Variants in CSNK1D observed in about 807,000 individuals in gnomAD.
The protein encoded by CSNK1D is casein kinase 1 delta, also known as casein kinase I isoform delta.
CSNK1D carries 16 observed loss-of-function variants against 46.6 expected under a neutral mutation model. That is an observed-to-expected ratio of 0.34 (90% CI 0.23 to 0.52). The LOEUF is 0.52. Ranked by LOEUF, CSNK1D falls within the 20% of genes least tolerant of loss-of-function variation. The pLI is 0.95. For synonymous variants in CSNK1D, 276 were observed against 228.2 expected (o/e 1.21, Z -1.89); for missense variants, 398 against 578.4 (o/e 0.69, Z 3.20).
At chr17:82,263,788 C>A (rs987455035) in intron 2 of CSNK1D, among the ~76,000 whole-genome samples, 1 of 152,222 alleles carries the variant, frequency 6.6e-6, no homozygotes, top group African/African-American at 2.4e-5. Context: ...AAGGCCACAC[C>A]CCGCACCACC....
chr17:82,252,593 T>G lies in CSNK1D; in HGVS notation c.577A>C (p.Arg193=), dbSNP rs1464065700. 1 of 1,613,814 alleles carries G rather than the reference T, an allele frequency of 6.2e-7. No individual in the cohort carries two copies. Among genetic ancestry groups the G allele is most frequent in the East Asian group, 2.2e-5 (1 of 44,882 alleles). The change falls in exon 5 of 9, where the codon AGA becomes CGA. Residue 193 remains arginine, a synonymous_variant. Coordinates refer to ENST00000314028, the MANE Select transcript of CSNK1D (RefSeq NM_001893.6). This position sits in a 1 kb window ranked among gnomAD's most constrained non-coding sequence, Gnocchi z 4.6. ...NTHLGIEQSR[R]DDLESLGYVL... ...TAGCCCAGAGACTCCAAGTCATCTCTTCGGGATTGTTCTGAAAAGAAAAGG... is the reference window on the plus strand; with the variant it reads ...TAGCCCAGAGACTCCAAGTCATCTCGTCGGGATTGTTCTGAAAAGAAAAGG...
At chr17:82,260,036 C>G (rs994110851) in intron 2 of CSNK1D, among the ~76,000 whole-genome samples, 54 of 108,566 alleles carry the variant, frequency 5.0e-4, no homozygotes, top group East Asian at 1.2e-3. Flanking sequence ...GGTGTACTGA[C>G]TGATGTGACT....
At position 82,253,139 on chromosome 17, in the gene CSNK1D, T is replaced by C; in HGVS notation, c.442A>G (p.Ile148Val). 1 of 1,614,232 alleles carries C rather than the reference T, an allele frequency of 6.2e-7. No individual in the cohort carries two copies. The highest frequency in any genetic ancestry group is 8.5e-7 in the Non-Finnish European group (1 of 1,180,032). The change falls in exon 4 of 9, where the codon ATC becomes GTC. Residue 148 changes from isoleucine (I) to valine (V), a missense_variant. Physicochemically the swap from Ile to Val is conservative, Grantham distance 29. Transcript: ENST00000314028. ...LGKKGNLVYIIDFGLAKKYRD... is the reference protein window; with the variant it reads ...LGKKGNLVYIVDFGLAKKYRD... ...TACTTCTTGGCCAGCCCGAAGTCGA[T>C]GATGTACACCAGGTTGCCCTTCTTC...
In CSNK1D at chr17:82,255,414, G is replaced by A. The variant is rs1007527113; in HGVS notation, c.336+15C>T. On this transcript the variant is annotated intron_variant, in intron 3 of 8. Coordinates refer to ENST00000314028, the MANE Select transcript of CSNK1D (RefSeq NM_001893.6). This position sits in a 1 kb window ranked among gnomAD's most constrained non-coding sequence, Gnocchi z 5.9. ...GACAGCAAGTGTGTGCCAACTGTCA[G>A]GAAACAGTCCTTACCATTTGGTCAG... The A allele has an allele frequency of 1.2e-6, 2 of 1,614,116 alleles. No homozygotes were observed. The highest frequency in any genetic ancestry group is 8.5e-7 in the Non-Finnish European group (1 of 1,179,992).
In CSNK1D at chr17:82,251,054, A is replaced by AC. The variant is rs1882091653; in HGVS notation, c.885+324dup. On this transcript the variant is annotated intron_variant, in intron 6 of 8. Transcript: ENST00000314028. This position sits in a 1 kb window ranked among gnomAD's most constrained non-coding sequence, Gnocchi z 4.5. The stretch of plus-strand genomic sequence containing the variant: ...TGTGGCACAGCGAATGGGAATGCGC[A>AC]CCCCCAGCCCCCACCCTCTGCCCCC... 2.6e-6 allele frequency: 1 copy of AC among 388,624 alleles called. No homozygotes were observed. Among genetic ancestry groups the AC allele is most frequent in the East Asian group, 6.0e-5 (1 of 16,582 alleles). The allele number at this position is 388,624 out of a possible 1,614,324, so 24.1% of individuals were successfully genotyped here.
chr17:82,240,864 C>T (rs566087784), downstream of CSNK1D, among the ~76,000 whole-genome samples: 41 of 152,254 alleles, frequency 2.7e-4, 1 homozygote, highest in Admixed American at 2.5e-3. Flanking sequence ...CTACCTCCTC[C>T]CTCAGCTGGT....
At chr17:82,272,526 A>T (rs1008392436) in intron 1 of CSNK1D, among the ~76,000 whole-genome samples, 1 of 152,224 alleles carries the variant, frequency 6.6e-6, no homozygotes, top group Non-Finnish European at 1.5e-5. Context: ...CAACTACCTC[A>T]TCTGCCTCTC....
rs769008189 is a variant in CSNK1D at position 82,248,815 on chromosome 17, G to A, written c.1197+60C>T. On this transcript the variant is annotated intron_variant, in intron 8 of 8. Coordinates refer to ENST00000314028, the MANE Select transcript of CSNK1D (RefSeq NM_001893.6). This position sits in a 1 kb window ranked among gnomAD's most constrained non-coding sequence, Gnocchi z 4.1. ...AGAAGCCCTGGAGAAACCACAGCCC[G>A]CTCTTGACTCGGACGGGGTAGCCCG... is the stretch of plus-strand genomic sequence containing the variant. 27 of 1,574,264 alleles carry A rather than the reference G, an allele frequency of 1.7e-5. No homozygotes were observed. The highest frequency in any genetic ancestry group is 9.2e-5 in the South Asian group (8 of 86,962).
At chr17:82,256,228 G>A (rs578142164) in intron 2 of CSNK1D, among the ~76,000 whole-genome samples, 2 of 152,260 alleles carry the variant, frequency 1.3e-5, no homozygotes, top group African/African-American at 2.4e-5. Flanking sequence ...AAAGGCACAC[G>A]GGCCAGGTGC....
At chr17:82,267,224 C>T (rs2051498556) in intron 1 of CSNK1D, among the ~76,000 whole-genome samples, 5 of 152,146 alleles carry the variant, frequency 3.3e-5, no homozygotes, top group South Asian at 2.1e-4. Flanking sequence ...CTTAGTGACT[C>T]GGTTTCTCTT....
At chr17:82,264,953 A>T (rs577148116) in intron 2 of CSNK1D, among the ~76,000 whole-genome samples, 5 of 151,692 alleles carry the variant, frequency 3.3e-5, no homozygotes, top group Admixed American at 1.3e-4. Flanking sequence ...GCCCGCCACC[A>T]CGAACGGCTA....
downstream of CSNK1D, chr17:82,239,066 G>T: frequency 7.6e-7 from 1 of 1,318,490 alleles, no homozygotes; most frequent in Non-Finnish European, 1.0e-6. Flanking sequence ...GGCTCAGGCA[G>T]GGCCACGGCT....
chr17:82,260,430 G>C (rs1285662132), intron 2 of CSNK1D, among the ~76,000 whole-genome samples: 3 of 150,352 alleles, frequency 2.0e-5, no homozygotes, highest in Non-Finnish European at 3.0e-5. Context: ...ATGGTGTACT[G>C]AGTGATGTGA....
At chr17:82,271,924 C>A (rs1003183121) in intron 1 of CSNK1D, 1 of 152,284 alleles carries the variant, frequency 6.6e-6, no homozygotes, top group African/African-American at 2.4e-5. Flanking sequence ...CAGAAAACAG[C>A]TCCCCTCAAA....
At position 82,273,611 on chromosome 17, in the gene CSNK1D, G is replaced by A. The variant is rs968364682; in HGVS notation, c.-230C>T. ...CGCTGCTCCGGCCCCTACCGGTCCC[G>A]CTTGCCCTCTCCCCGCCGCGGATGG... On this transcript the variant is annotated 5_prime_UTR_variant, in exon 1 of 9. Coordinates refer to ENST00000314028, the MANE Select transcript of CSNK1D (RefSeq NM_001893.6). This position sits in a 1 kb window ranked among gnomAD's most constrained non-coding sequence, Gnocchi z 5.1. The A allele has an allele frequency of 5.3e-6, 3 of 561,618 alleles. No individual in the cohort carries two copies. The highest frequency in any genetic ancestry group is 4.0e-5 in the African/African-American group (2 of 49,628). The allele number at this position is 561,618 out of a possible 1,614,324, so 34.8% of individuals were successfully genotyped here.
chr17:82,253,741 C>A, intron 3 of CSNK1D: 1 of 315,194 alleles, frequency 3.2e-6, no homozygotes, highest in Non-Finnish European at 6.0e-6. Flanking sequence ...CCGAAGCCTC[C>A]AGAAGCCTCG....
Position 82,273,278 on chromosome 17 carries a change from G to A in CSNK1D, c.76+28C>T, listed in dbSNP as rs2147238372. On this transcript the variant is annotated intron_variant, in intron 1 of 8. Transcript: ENST00000314028. The surrounding 1 kb of genome is among the most constrained non-coding windows in gnomAD (Gnocchi z 5.1). The stretch of plus-strand genomic sequence containing the variant: ...GCAGCCGCAGGGCCCGGGTCTTCGG[G>A]CGGCGGGCGGGGGCGGCGGGGCCTC... 1 of 1,594,096 alleles carries A rather than the reference G, an allele frequency of 6.3e-7. No homozygotes were observed. The highest frequency in any genetic ancestry group is 1.1e-5 in the South Asian group (1 of 89,722).
In CSNK1D at chr17:82,251,106, C is replaced by G. The variant is rs2050996975; in HGVS notation, c.885+273G>C. 4 of 467,490 alleles carry G rather than the reference C, an allele frequency of 8.6e-6. No individual in the cohort carries two copies. Among genetic ancestry groups the G allele is most frequent in the Admixed American group, 3.4e-5 (1 of 29,598 alleles). The allele number at this position is 467,490 out of a possible 1,614,324, so 29.0% of individuals were successfully genotyped here. A position where few individuals can be genotyped will look rare whatever the true frequency, so the allele number is the denominator to read the frequency against. On this transcript the variant is annotated intron_variant, in intron 6 of 8. Coordinates refer to ENST00000314028, the MANE Select transcript of CSNK1D (RefSeq NM_001893.6). This position sits in a 1 kb window ranked among gnomAD's most constrained non-coding sequence, Gnocchi z 4.5. ...GGGCATGCTCTGGGCCCTAGCTCCG[C>G]TTGGTGACAGGGAGGGAAGGGGCCT...
At chr17:82,239,074 G>T, downstream of CSNK1D, 1 of 1,245,976 alleles carries the variant, frequency 8.0e-7, no homozygotes, top group Non-Finnish European at 1.1e-6. Flanking sequence ...CAGGGCCACG[G>T]CTGGGCTCCA....
Sources: gnomAD v4.1 joint callset for allele counts (sites outside exome capture counted in the v4.1 genomes callset) on GRCh38, gnomAD v4.1.1 for gene constraint, Gnocchi (gnomAD v3.1) non-coding constraint, MANE v1.5 for transcripts, NCBI Gene and HGNC (gene_info 2026-07-23, HGNC 2026-07-21) for gene names.